RADIL: variants seen among roughly 807,000 people sequenced by gnomAD.
RADIL encodes the protein Rap associating with DIL domain, also known as ras-associating and dilute domain-containing protein.
A neutral mutation model predicts 97.6 loss-of-function variants in RADIL; 99 were observed. That is an observed-to-expected ratio of 1.01 (90% CI 0.86 to 1.20). The LOEUF (loss-of-function observed/expected upper bound fraction) is 1.20. Among genes scored for constraint, RADIL ranks in the 50% most tolerant of loss-of-function variants. The pLI is 0.00. For synonymous variants in RADIL, 803 were observed against 691.8 expected, an observed-to-expected ratio of 1.16 and a Z score of -2.52; for missense variants, 1,765 against 1,498.9, an observed-to-expected ratio of 1.18 and a Z score of -2.93.
rs1781972002 is a variant in RADIL at position 4,798,165 on chromosome 7, A to G, written c.*1213T>C. On this transcript the variant is annotated 3_prime_UTR_variant, in exon 15 of 15. Transcript: ENST00000399583. ...TATATATATATATATTTTATCCAGT[A>G]TTTTGGGAACCTGGCAGTGGTCGCC... The G allele has an allele frequency of 6.6e-6, 1 of 150,444 alleles. No homozygotes were observed. Among genetic ancestry groups the G allele is most frequent in the South Asian group, 2.1e-4 (1 of 4,806 alleles). The allele number at this position is 150,444 out of a possible 1,614,324, so 9.3% of individuals were successfully genotyped here.
In RADIL at chr7:4,822,181, G is replaced by T. The variant is rs975082329; in HGVS notation, c.1615+213C>A. Among the ~76,000 whole-genome samples the T allele has an allele frequency of 1.3e-5, 2 of 152,152 alleles. No homozygotes were observed. The highest frequency in any genetic ancestry group is 4.8e-5 in the African/African-American group (2 of 41,452). ...GACAGACTGAGTGCCAAGGTGCTGT[G>T]GGGGGAGGTGCCAGACTGGCCCGTG... is the stretch of plus-strand genomic sequence containing the variant. On this transcript the variant is annotated intron_variant, in intron 6 of 14. Transcript: ENST00000399583. The surrounding 1 kb of genome is among the most constrained non-coding windows in gnomAD (Gnocchi z 5.3).
In RADIL at chr7:4,815,276, ACCTGGATG is replaced by A. The variant is rs921667215; in HGVS notation, c.2133_2139+1del. 1.0e-4 allele frequency: 158 copies of A among 1,552,416 alleles called. No individual in the cohort carries two copies. The highest frequency in any genetic ancestry group is 1.3e-4 in the Non-Finnish European group (154 of 1,148,542). On this transcript the variant is annotated splice_donor_variant and coding_sequence_variant, in exon 9 of 15. Coordinates refer to ENST00000399583, the MANE Select transcript of RADIL (RefSeq NM_018059.5). LOFTEE classifies it high-confidence loss of function. The surrounding 1 kb of genome is among the most constrained non-coding windows in gnomAD (Gnocchi z 8.0). ...CTCGCCGCCTCCCATGCGCACCCCT[ACCTGGATG>A]AGCTGGGCCCTGGGTGTGGCCAGCA...
chr7:4,854,587 G>A lies in RADIL; in HGVS notation c.536-17982C>T, dbSNP rs1312268018. Among the ~76,000 whole-genome samples the A allele has an allele frequency of 5.9e-5, 9 of 152,072 alleles. No homozygotes were observed. Among genetic ancestry groups the A allele is most frequent in the Admixed American group, 3.3e-4 (5 of 15,262 alleles). On this transcript the variant is annotated intron_variant, in intron 2 of 14. Transcript: ENST00000399583. The surrounding 1 kb of genome is among the most constrained non-coding windows in gnomAD (Gnocchi z 5.1). ...CGGGCGCCTGTAATCCCAGCTACTC[G>A]GAAGACTGAGACAGGAGAATTACTT...
chr7:4,856,375 G>A (rs1247250142), intron 2 of RADIL, among the ~76,000 whole-genome samples: 1 of 152,218 alleles, frequency 6.6e-6, no homozygotes, highest in South Asian at 2.1e-4. Flanking sequence ...CTCCCAAAGT[G>A]CTGGGATTAC....
At chr7:4,881,101 TAAAAAAAAAA>T (rs58900044) in intron 1 of RADIL, among the ~76,000 whole-genome samples, 12 of 55,180 alleles carry the variant, frequency 2.2e-4, no homozygotes, top group African/African-American at 5.5e-4. Context: ...CCCTCTCTGT[TAAAAAAAAAA>T]AAAAAAAAAA....
At chr7:4,831,047 T>G in intron 5 of RADIL, among the ~76,000 whole-genome samples, 1 of 149,264 alleles carries the variant, frequency 6.7e-6, no homozygotes. Context: ...CAAAATCAGC[T>G]GGGCGTGGTG....
intron 9 of RADIL, among the ~76,000 whole-genome samples, chr7:4,811,959 C>T (rs1483166508): frequency 1.3e-5 from 2 of 152,054 alleles, no homozygotes; most frequent in Non-Finnish European, 1.5e-5. Flanking sequence ...ACTGAAACCT[C>T]AGTCTCCTGG....
intron 2 of RADIL, chr7:4,862,056 A>C (rs913793532): frequency 1.3e-5 from 5 of 382,366 alleles, no homozygotes; most frequent in African/African-American, 1.0e-4. Context: ...GCGCCTGCGC[A>C]CCCGCCGCCA....
chr7:4,871,394 T>C (rs901427311), intron 2 of RADIL, among the ~76,000 whole-genome samples: 4 of 152,304 alleles, frequency 2.6e-5, no homozygotes, highest in African/African-American at 9.6e-5. Context: ...GCAGCGGCGC[T>C]TCCCGCGTGC....
intron 5 of RADIL, among the ~76,000 whole-genome samples, chr7:4,825,520 AG>A (rs1305309274): frequency 6.6e-6 from 1 of 152,192 alleles, no homozygotes; most frequent in Non-Finnish European, 1.5e-5. Flanking sequence ...AACCACAGAC[AG>A]CTCAGCCAGC....
At chr7:4,861,827 C>A (rs771357174) in intron 2 of RADIL, 46 of 1,281,856 alleles carry the variant, frequency 3.6e-5, no homozygotes, top group Non-Finnish European at 4.4e-5. Context: ...GCGCCCGCCC[C>A]GCCAGGGCAC....
intron 9 of RADIL, among the ~76,000 whole-genome samples, chr7:4,807,602 CCT>C (rs1302470304): frequency 3.4e-4 from 33 of 95,768 alleles, no homozygotes; most frequent in African/African-American, 1.5e-3. Context: ...CTCCCTCCTC[CCT>C]CTCCTTCTCT....
chr7:4,847,916 C>T (rs1783614971), intron 2 of RADIL, among the ~76,000 whole-genome samples: 1 of 152,094 alleles, frequency 6.6e-6, no homozygotes, highest in South Asian at 2.1e-4. Context: ...AACGTGCCGG[C>T]CGGGTGCAGT....
At chr7:4,809,020 C>T in intron 9 of RADIL, 2 of 735,076 alleles carry the variant, frequency 2.7e-6, no homozygotes, top group Non-Finnish European at 3.2e-6. Context: ...GCCACTGCCC[C>T]CCCTTGTCCC....
At chr7:4,862,044 G>T in intron 2 of RADIL, 1 of 393,862 alleles carries the variant, frequency 2.5e-6, no homozygotes, top group Non-Finnish European at 4.5e-6. Flanking sequence ...GTACACGCGC[G>T]GGCGCCTGCG....
At chr7:4,869,499 G>A (rs1274922661) in intron 2 of RADIL, among the ~76,000 whole-genome samples, 2 of 149,894 alleles carry the variant, frequency 1.3e-5, no homozygotes, top group African/African-American at 2.4e-5. Context: ...CCTTTGACAC[G>A]TAGGTCTCTG....
intron 9 of RADIL, chr7:4,809,406 G>A: frequency 2.0e-6 from 2 of 985,444 alleles, no homozygotes; most frequent in Non-Finnish European, 2.4e-6. Flanking sequence ...GAGTGTCGCT[G>A]CTGCCTCCTT....
At chr7:4,859,764 G>A in intron 2 of RADIL, 1 of 624,210 alleles carries the variant, frequency 1.6e-6, no homozygotes, top group South Asian at 2.0e-5. Context: ...TTCCCTGAGA[G>A]GCCAATAGAG....
In RADIL at chr7:4,834,719, G is replaced by A. The variant is rs1464999748; in HGVS notation, c.1304C>T (p.Thr435Ile). The change falls in exon 4 of 15, where the codon ACC becomes ATC. Residue 435 changes from threonine (T) to isoleucine (I), a missense_variant. Coordinates refer to ENST00000399583, the MANE Select transcript of RADIL (RefSeq NM_018059.5). The surrounding 1 kb of genome is among the most constrained non-coding windows in gnomAD (Gnocchi z 6.0). ...IEPGGDDHKLTPAFLLCLCIQ... is the reference protein window; with the variant it reads ...IEPGGDDHKLIPAFLLCLCIQ... ...GCAGAGGCACAGGAGGAAGGCGGGG[G>A]TCAGCTTGTGGTCGTCGCCCCCCGG... 7.1e-7 allele frequency: 1 copy of A among 1,411,800 alleles called. No individual in the cohort carries two copies. Among genetic ancestry groups the A allele is most frequent in the South Asian group, 1.8e-5 (1 of 55,424 alleles). 87.5% of individuals were successfully genotyped at this position (1,411,800 alleles called of 1,614,324 possible). A position where few individuals can be genotyped will look rare whatever the true frequency, so the allele number is the denominator to read the frequency against.
Sources: gnomAD v4.1 joint callset for allele counts (sites outside exome capture counted in the v4.1 genomes callset) on GRCh38, gnomAD v4.1.1 for gene constraint, Gnocchi (gnomAD v3.1) non-coding constraint, MANE v1.5 for transcripts, NCBI Gene and HGNC (gene_info 2026-07-23, HGNC 2026-07-21) for gene names.